The following SLC8A1 variants were observed in gnomAD, a reference collection of about 807,000 sequenced individuals.
The protein encoded by SLC8A1 is sodium/calcium exchanger 1.
A neutral mutation model predicts 68.3 loss-of-function variants in SLC8A1; 18 were observed. That is an observed-to-expected ratio of 0.26 (90% CI 0.18 to 0.39). The LOEUF (loss-of-function observed/expected upper bound fraction) is 0.39. SLC8A1 is among the 10% of genes least tolerant of loss of function. SLC8A1 has a pLI of 1.00. For synonymous variants in SLC8A1, 475 were observed against 415.5 expected (o/e 1.14, Z -1.74); for missense variants, 985 against 1,156.7 (o/e 0.85, Z 2.15).
At chr2:40,334,058 A>G (rs995453599) in intron 2 of SLC8A1, among the ~76,000 whole-genome samples, 16 of 152,148 alleles carry the variant, frequency 1.1e-4, no homozygotes, top group African/African-American at 3.4e-4. Flanking sequence ...AAAAACAACA[A>G]CAACAAAAAA....
chr2:40,370,826 A>G (rs193094557), intron 2 of SLC8A1, among the ~76,000 whole-genome samples: 129 of 152,134 alleles, frequency 8.5e-4, no homozygotes, highest in African/African-American at 3.0e-3. Flanking sequence ...TATCATTTCC[A>G]TTTTACAAAT....
intron 2 of SLC8A1, among the ~76,000 whole-genome samples, chr2:40,182,642 C>T (rs1019634545): frequency 2.0e-5 from 3 of 152,186 alleles, no homozygotes; most frequent in African/African-American, 2.4e-5. Context: ...TCTTAGGTGT[C>T]TCAAAGGACC....
At chr2:40,394,465 G>A (rs558269770) in intron 2 of SLC8A1, among the ~76,000 whole-genome samples, 2 of 152,152 alleles carry the variant, frequency 1.3e-5, no homozygotes, top group African/African-American at 2.4e-5. Context: ...GCGTGTGTGT[G>A]TGGTGTGTGA....
At chr2:40,262,271 T>A (rs566302780) in intron 2 of SLC8A1, among the ~76,000 whole-genome samples, 2 of 152,330 alleles carry the variant, frequency 1.3e-5, no homozygotes, top group Non-Finnish European at 2.9e-5. Flanking sequence ...CTCTCTTCAC[T>A]ATTATATTGC....
At chr2:40,298,143 A>G (rs528218481) in intron 2 of SLC8A1, among the ~76,000 whole-genome samples, 2 of 152,186 alleles carry the variant, frequency 1.3e-5, no homozygotes, top group South Asian at 2.1e-4. Context: ...CAGCCTCCCA[A>G]AGTGTTGGGA....
chr2:40,486,527 T>A (rs1258920923), intron 1 of SLC8A1, among the ~76,000 whole-genome samples: 1 of 152,196 alleles, frequency 6.6e-6, no homozygotes. Context: ...ATAATTTTCA[T>A]ACTCCATAGT....
chr2:40,107,709 C>G (rs182114645), exon 8 of SLC8A1: 1 of 152,104 alleles, frequency 6.6e-6, no homozygotes, highest in Admixed American at 6.6e-5. Context: ...ATATCTGATA[C>G]TAGGACAATC....
chr2:40,197,168 T>C (rs952691504), intron 2 of SLC8A1, among the ~76,000 whole-genome samples: 1 of 152,004 alleles, frequency 6.6e-6, no homozygotes, highest in African/African-American at 2.4e-5. Context: ...TTTGCCCCAG[T>C]TCCCATTTGG....
intron 2 of SLC8A1, among the ~76,000 whole-genome samples, chr2:40,286,092 T>C (rs1401641574): frequency 6.6e-6 from 1 of 152,140 alleles, no homozygotes; most frequent in African/African-American, 2.4e-5. Flanking sequence ...GTGCCTAGAA[T>C]AGTGTCTAGT....
At chr2:40,187,000 T>C (rs11885401) in intron 2 of SLC8A1, among the ~76,000 whole-genome samples, 19,328 of 152,204 alleles carry the variant, frequency 0.13, 1,358 homozygotes, top group African/African-American at 0.16. Context: ...AAAGGAGTGG[T>C]TTGTTTTGCA....
Position 40,138,141 on chromosome 2 carries a change from TA to T in SLC8A1, c.2437+1259del, listed in dbSNP as rs2040874986. On this transcript the variant is annotated intron_variant, in intron 7 of 7. Transcript: ENST00000406785. ...TCTGCATGTTAAGTATGATTATCCC[TA>T]TTTTTTAAATGAAGAAACTGAGGCT... Among the ~76,000 whole-genome samples the T allele has an allele frequency of 2.0e-5, 3 of 152,320 alleles. No individual in the cohort carries two copies. The South Asian group carries it at 6.2e-4, about 32-fold the overall frequency.
chr2:40,400,704 G>C (rs962902239), intron 2 of SLC8A1, among the ~76,000 whole-genome samples: 2 of 152,102 alleles, frequency 1.3e-5, no homozygotes. Context: ...AGAGAGCCAC[G>C]GAAAGAAAGG....
chr2:40,403,934 A>G (rs1343883547), intron 2 of SLC8A1, among the ~76,000 whole-genome samples: 1 of 152,224 alleles, frequency 6.6e-6, no homozygotes, highest in East Asian at 1.9e-4. Flanking sequence ...ATTAGTTGTC[A>G]CTATTTCATT....
chr2:40,369,931 CTTT>C (rs1436296532), intron 2 of SLC8A1, among the ~76,000 whole-genome samples: 7 of 151,966 alleles, frequency 4.6e-5, no homozygotes, highest in African/African-American at 1.7e-4. Context: ...AAAATTTATT[CTTT>C]GTTTTTAATA....
chr2:40,505,158 C>T (rs1030253514), intron 1 of SLC8A1, among the ~76,000 whole-genome samples: 1 of 151,772 alleles, frequency 6.6e-6, no homozygotes, highest in Non-Finnish European at 1.5e-5. Flanking sequence ...GAATTGAACT[C>T]ATGGACATAG....
chr2:40,208,818 G>C (rs1290005809), intron 2 of SLC8A1, among the ~76,000 whole-genome samples: 1 of 152,028 alleles, frequency 6.6e-6, no homozygotes, highest in Admixed American at 6.6e-5. Flanking sequence ...TATCCATTTA[G>C]GCTTTAATGC....
exon 2 of SLC8A1, chr2:40,429,324 A>G (rs772579038): frequency 1.9e-6 from 3 of 1,613,818 alleles, no homozygotes; most frequent in South Asian, 1.1e-5. Context: ...TAGCTTCTTC[A>G]TCATCTTGGT....
At chr2:40,273,184 G>A (rs746535328) in intron 2 of SLC8A1, among the ~76,000 whole-genome samples, 9 of 151,498 alleles carry the variant, frequency 5.9e-5, no homozygotes, top group East Asian at 3.9e-4. Flanking sequence ...CTCATGATCC[G>A]CCTGTCTTGG....
At chr2:40,375,625 CT>C in intron 2 of SLC8A1, among the ~76,000 whole-genome samples, 1 of 151,966 alleles carries the variant, frequency 6.6e-6, no homozygotes. Flanking sequence ...AATTATTCTC[CT>C]AAAAGATATT....
Sources: gnomAD v4.1 joint callset for allele counts (sites outside exome capture counted in the v4.1 genomes callset) on GRCh38, gnomAD v4.1.1 for gene constraint, MANE v1.5 for transcripts, NCBI Gene and HGNC (gene_info 2026-07-23, HGNC 2026-07-21) for gene names.